Variants in TBC1D20 observed in about 807,000 individuals in gnomAD.
The protein encoded by TBC1D20 is TBC1 domain family member 20.
Under a neutral mutation model 41.6 loss-of-function variants are expected in TBC1D20, and 12 were observed. The ratio of observed to expected loss-of-function variants is 0.29; its 90% confidence interval spans 0.18 to 0.47. The LOEUF is 0.47. TBC1D20 is among the 20% of genes least tolerant of loss of function. The pLI, the probability that TBC1D20 is intolerant of heterozygous loss-of-function variation, is 1.00. For missense variants in TBC1D20, 421 were observed against 517.4 expected, an observed-to-expected ratio of 0.81 and a Z score of 1.81; for synonymous variants, 205 against 204.8, an observed-to-expected ratio of 1.00 and a Z score of -0.01.
intron 1 of TBC1D20, among the ~76,000 whole-genome samples, chr20:453,540 ATTTTTTT>A (rs1157479385): frequency 2.8e-5 from 3 of 105,812 alleles, no homozygotes; most frequent in Admixed American, 1.1e-4. Context: ...GTAATCCAGC[ATTTTTTT>A]TTTTTTTTTT....
chr20:444,993 AT>A, intron 3 of TBC1D20, 56 bp downstream of exon 3: 2 of 1,460,232 alleles, frequency 1.4e-6, no homozygotes, highest in Non-Finnish European at 1.9e-6. Context: ...GTCACATGGT[AT>A]GACCTGGAAC....
chr20:442,195 C>T, intron 3 of TBC1D20, 152 bp from the exon 4 acceptor site: 4 of 684,758 alleles, frequency 5.8e-6, no homozygotes, highest in Non-Finnish European at 9.3e-6. Context: ...TTGATACCAC[C>T]TGGCATACAG....
chr20:439,331 C>T lies in TBC1D20; in HGVS notation c.769-36G>A, dbSNP rs1005593400. On this transcript the variant is annotated intron_variant, in intron 6 of 7. Coordinates refer to ENST00000354200, the MANE Select transcript of TBC1D20 (RefSeq NM_144628.4). This position sits in a 1 kb window ranked among gnomAD's most constrained non-coding sequence, Gnocchi z 4.6. Reference sequence around the variant, plus strand: ...GTAGTAAAGCCTTGCAGTCAGAGGCCAGACACACAGGGCCTGGGCCACCTG... The same window carrying T: ...GTAGTAAAGCCTTGCAGTCAGAGGCTAGACACACAGGGCCTGGGCCACCTG... The T allele has an allele frequency of 6.5e-7, 1 of 1,542,982 alleles. No homozygotes were observed. Among genetic ancestry groups the T allele is most frequent in the African/African-American group, 1.4e-5 (1 of 73,230 alleles).
intron 1 of TBC1D20, among the ~76,000 whole-genome samples, chr20:456,933 ATTTTTTT>A (rs11471255): frequency 3.1e-5 from 4 of 128,224 alleles, no homozygotes; most frequent in African/African-American, 9.0e-5. Context: ...CCTTCTTTTA[ATTTTTTT>A]TTTTTTTTTT....
At chr20:441,495 A>G in intron 5 of TBC1D20, 93 bp downstream of exon 5, 1 of 1,103,122 alleles carries the variant, frequency 9.1e-7, no homozygotes, top group Non-Finnish European at 1.4e-6. Context: ...CAAGACAATG[A>G]GGAAACTGCG....
Position 437,720 on chromosome 20 carries a change from T to G in TBC1D20, c.*866A>C, listed in dbSNP as rs1236468552. On this transcript the variant is annotated 3_prime_UTR_variant, in exon 8 of 8. Transcript: ENST00000354200. ...GGCTAAAGCGAAAATGTTAATCAAG[T>G]AGAAAGTAAAATTCAGGATCTTAGA... 4.6e-5 allele frequency: 7 copies of G among 153,664 alleles called. No homozygotes were observed. Among genetic ancestry groups the G allele is most frequent in the African/African-American group, 1.7e-4 (7 of 41,416 alleles). The allele number at this position is 153,664 out of a possible 1,614,324, so 9.5% of individuals were successfully genotyped here.
At chr20:462,291 G>A (rs1204695655) in intron 1 of TBC1D20, 45 bp downstream of exon 1, 4 of 1,239,408 alleles carry the variant, frequency 3.2e-6, no homozygotes, top group South Asian at 2.4e-5. Flanking sequence ...TGCCCCCCGG[G>A]CCGCCCTCGC....
At position 439,123 on chromosome 20, in the gene TBC1D20, T is replaced by C; in HGVS notation, c.941A>G (p.Gln314Arg). ...PSELAREAAA[Q>R]QQAERTAAST... is the part of the protein sequence containing the mutation. ...CCTTGCTCACCTCTCAGCTTGCTGT[T>C]GGGCAGCGGCCTCCCGAGCAAGTTC... The change falls in exon 7 of 8, where the codon CAA becomes CGA. Residue 314 changes from glutamine to arginine, a missense_variant. Around this residue, in one of 3 missense-constraint regions of TBC1D20, gnomAD observed 161 missense variants for 182.7 expected, o/e 0.88. Transcript: ENST00000354200. This position sits in a 1 kb window ranked among gnomAD's most constrained non-coding sequence, Gnocchi z 4.6. 6.2e-7 allele frequency: 1 copy of C among 1,612,582 alleles called. No homozygotes were observed.
At chr20:446,943 A>AGTTTTTTTTT (rs1491315984) in intron 2 of TBC1D20, among the ~76,000 whole-genome samples, 1 of 75,890 alleles carries the variant, frequency 1.3e-5, no homozygotes. Flanking sequence ...CAAAATACGC[A>AGTTTTTTTTT]TTTTTTTTTT....
At chr20:443,553 TG>T (rs1423721892) in intron 3 of TBC1D20, among the ~76,000 whole-genome samples, 1 of 152,102 alleles carries the variant, frequency 6.6e-6, no homozygotes, top group Non-Finnish European at 1.5e-5. Context: ...ACTCACCTCT[TG>T]CCCATATTTA....
intron 1 of TBC1D20, among the ~76,000 whole-genome samples, chr20:451,153 G>A (rs2122410438): frequency 6.6e-6 from 1 of 152,330 alleles, no homozygotes; most frequent in African/African-American, 2.4e-5. Flanking sequence ...AAGCTAACCT[G>A]AGAAGTGTAC....
chr20:443,554 G>C (rs6139186), intron 3 of TBC1D20, among the ~76,000 whole-genome samples: 65,988 of 151,978 alleles, frequency 0.43, 14,578 homozygotes, highest in Middle Eastern at 0.49. Flanking sequence ...CTCACCTCTT[G>C]CCCATATTTA....
In TBC1D20 at chr20:437,659, T is replaced by C. The variant is rs1286560401; in HGVS notation, c.*927A>G. 6.5e-6 allele frequency: 1 copy of C among 153,402 alleles called. No individual in the cohort carries two copies. The highest frequency in any genetic ancestry group is 1.5e-5 in the Non-Finnish European group (1 of 68,026). 9.5% of individuals were successfully genotyped at this position (153,402 alleles called of 1,614,324 possible). On this transcript the variant is annotated 3_prime_UTR_variant, in exon 8 of 8. Coordinates refer to ENST00000354200, the MANE Select transcript of TBC1D20 (RefSeq NM_144628.4). The stretch of plus-strand genomic sequence containing the variant: ...AGAAAAACCGGTCAGAAAGTGGCAC[T>C]TTGGAAGTGGAAAGCTGTTTGCAAA...
At chr20:453,101 G>C (rs1370540233) in intron 1 of TBC1D20, among the ~76,000 whole-genome samples, 1 of 133,502 alleles carries the variant, frequency 7.5e-6, no homozygotes, top group Non-Finnish European at 1.5e-5. Flanking sequence ...AGCTGAGATT[G>C]CAGATCGCGC....
At chr20:445,839 C>T (rs1600333395) in intron 2 of TBC1D20, among the ~76,000 whole-genome samples, 1 of 152,232 alleles carries the variant, frequency 6.6e-6, no homozygotes, top group African/African-American at 2.4e-5. Flanking sequence ...CTTCCTCACA[C>T]GTAGGCTTCA....
rs1568574633 is a variant in TBC1D20 at position 439,321 on chromosome 20, A to G, written c.769-26T>C. ...CTGTGGGGAGGTAGTAAAGCCTTGCAGTCAGAGGCCAGACACACAGGGCCT... is the reference window on the plus strand; with the variant it reads ...CTGTGGGGAGGTAGTAAAGCCTTGCGGTCAGAGGCCAGACACACAGGGCCT... On this transcript the variant is annotated intron_variant, in intron 6 of 7. Transcript: ENST00000354200. This position sits in a 1 kb window ranked among gnomAD's most constrained non-coding sequence, Gnocchi z 4.6. 1 of 1,572,984 alleles carries G rather than the reference A, an allele frequency of 6.4e-7. No individual in the cohort carries two copies. The highest frequency in any genetic ancestry group is 8.6e-7 in the Non-Finnish European group (1 of 1,157,688).
intron 4 of TBC1D20, 40 bp downstream of exon 4, chr20:441,817 G>GGA (rs762677924): frequency 1.2e-5 from 20 of 1,603,210 alleles, no homozygotes; most frequent in Middle Eastern, 1.7e-4. Flanking sequence ...GGACGGCTGA[G>GGA]GAGTGATGCC....
intron 2 of TBC1D20, among the ~76,000 whole-genome samples, chr20:447,484 C>A (rs1014117840): frequency 2.0e-5 from 3 of 151,522 alleles, no homozygotes; most frequent in African/African-American, 7.3e-5. Flanking sequence ...ATGGCAAAAC[C>A]CCATCTCTAC....
intron 5 of TBC1D20, 54 bp downstream of exon 5, chr20:441,534 G>A (rs892169286): frequency 9.9e-6 from 14 of 1,415,092 alleles, no homozygotes; most frequent in African/African-American, 1.4e-5. Context: ...TTTCAGGTGT[G>A]GGGGGGTGTG....
Sources: gnomAD v4.1 joint callset for allele counts (sites outside exome capture counted in the v4.1 genomes callset) on GRCh38, gnomAD v4.1.1 for gene constraint, gnomAD v4.1.1 regional missense constraint, Gnocchi (gnomAD v3.1) non-coding constraint, MANE v1.5 for transcripts, NCBI Gene and HGNC (gene_info 2026-07-23, HGNC 2026-07-21) for gene names.